Variants in SLC12A4 observed in about 807,000 individuals in gnomAD.
The protein encoded by SLC12A4 is electroneutral potassium-chloride cotransporter 1.
SLC12A4 carries 84 observed loss-of-function variants against 119.2 expected under a neutral mutation model. That is an observed-to-expected ratio of 0.70 (90% confidence interval 0.59 to 0.85). The LOEUF is 0.85. Ranked by LOEUF, SLC12A4 falls within the 40% of genes least tolerant of loss-of-function variation. SLC12A4 has a pLI of 0.00. For missense variants in SLC12A4, 1,298 were observed against 1,476.3 expected, an observed-to-expected ratio of 0.88 and a Z score of 1.98; for synonymous variants, 599 against 604.6, an observed-to-expected ratio of 0.99 and a Z score of 0.14.
At position 67,961,604 on chromosome 16, in the gene SLC12A4, C is replaced by G; in HGVS notation, c.313G>C (p.Gly105Arg). The change falls in exon 3 of 24, where the codon GGG becomes CGG. Residue 105 changes from glycine (G) to arginine (R), a missense_variant. Coordinates refer to ENST00000316341, the MANE Select transcript of SLC12A4 (RefSeq NM_005072.5). Reference sequence around the variant, plus strand: ...GCTGCCCTCCGGCGGGTGCCCTCCCCACTCTCGGCCTCCTCATGCTCTTTG... The same window carrying G: ...GCTGCCCTCCGGCGGGTGCCCTCCCGACTCTCGGCCTCCTCATGCTCTTTG... ...GAKEHEEAES[G>R]EGTRRRAAEA... 6.2e-7 allele frequency: 1 copy of G among 1,613,964 alleles called. No homozygotes were observed. The highest frequency in any genetic ancestry group is 1.1e-5 in the South Asian group (1 of 91,088).
In SLC12A4 at chr16:67,950,405, T is replaced by C. The variant is rs2058400912; in HGVS notation, c.1543A>G (p.Thr515Ala). Residue 515 changes from threonine to alanine, a missense_variant, in exon 12 of 24, where the codon ACG becomes GCG. By Grantham distance (58) the Thr-to-Ala change is moderately conservative. Coordinates refer to ENST00000316341, the MANE Select transcript of SLC12A4 (RefSeq NM_005072.5). This position sits in a 1 kb window ranked among gnomAD's most constrained non-coding sequence, Gnocchi z 4.3. ...WVIVIGSFFS[T>A]CGAGLQSLTG... ...AGGCTCTGGAGGCCAGCGCCACACG[T>C]TGAAAAGAAGGAGCCGATGACGATG... The C allele has an allele frequency of 6.2e-7, 1 of 1,613,752 alleles. No homozygotes were observed. The highest frequency in any genetic ancestry group is 8.5e-7 in the Non-Finnish European group (1 of 1,179,964).
At position 67,947,368 on chromosome 16, in the gene SLC12A4, G is replaced by A. The variant is rs762824072; in HGVS notation, c.2035C>T (p.Arg679Trp). Residue 679 changes from arginine to tryptophan, a missense_variant, in exon 16 of 24, where the codon CGG (arginine) becomes TGG (tryptophan). Physicochemically the swap from Arg to Trp is moderately radical, Grantham distance 101 (BLOSUM62 -3). Coordinates refer to ENST00000316341, the MANE Select transcript of SLC12A4 (RefSeq NM_005072.5). ...SLSAARYALL[R>W]LEEGPPHTKN... ...GTGTGAGGAGGCCCCTCCTCCAGCC[G>A]CAACAGCGCGTAGCGGGCAGCGCTC... 22 of 1,612,662 alleles carry A rather than the reference G, an allele frequency of 1.4e-5. No homozygotes were observed. Among genetic ancestry groups the A allele is most frequent in the Non-Finnish European group, 1.6e-5 (19 of 1,179,790 alleles).
chr16:67,968,663 GC>G, upstream of SLC12A4: 1 of 1,284,098 alleles, frequency 7.8e-7, no homozygotes, highest in Non-Finnish European at 9.8e-7. Context: ...ATTCCTCCCC[GC>G]TGCGCTCACT....
chr16:67,965,029 G>T (rs1457016179), intron 1 of SLC12A4, among the ~76,000 whole-genome samples: 1 of 152,224 alleles, frequency 6.6e-6, no homozygotes, highest in Non-Finnish European at 1.5e-5. Context: ...ACCTGGACTA[G>T]CTAAGTGAGC....
rs1314998481 is a variant in SLC12A4 at position 67,950,200 on chromosome 16, C to T, written c.1629+119G>A. 1.4e-5 allele frequency: 18 copies of T among 1,244,286 alleles called. No homozygotes were observed. Among genetic ancestry groups the T allele is most frequent in the African/African-American group, 3.0e-5 (2 of 66,548 alleles). The allele number at this position is 1,244,286 out of a possible 1,614,324, so 77.1% of individuals were successfully genotyped here. A position where few individuals can be genotyped will look rare whatever the true frequency, so the allele number is the denominator to read the frequency against. On this transcript the variant is annotated intron_variant, in intron 12 of 23. Transcript: ENST00000316341. This position sits in a 1 kb window ranked among gnomAD's most constrained non-coding sequence, Gnocchi z 4.3. ...TTCTCAGTAGCTCCTCATGGATGGC[C>T]GCCTGGCCCCGGGGGCCAATAAGGG...
chr16:67,966,957 A>T, intron 1 of SLC12A4: 2 of 1,351,104 alleles, frequency 1.5e-6, no homozygotes, highest in Non-Finnish European at 2.0e-6. Flanking sequence ...AGCTAGGCTC[A>T]GCTCTGCCTG....
intron 1 of SLC12A4, chr16:67,963,785 A>G: frequency 8.6e-7 from 1 of 1,166,168 alleles, no homozygotes; most frequent in South Asian, 1.6e-5. Context: ...CCTCCAGTGA[A>G]GGGAATCCAG....
chr16:67,957,638 C>T (rs1201592099), intron 5 of SLC12A4, 104 bp downstream of exon 5: 3 of 1,357,076 alleles, frequency 2.2e-6, no homozygotes, highest in Non-Finnish European at 3.1e-6. Context: ...GAGCCCACTA[C>T]AGAACTGCTT....
chr16:67,950,100 A>G lies in SLC12A4; in HGVS notation c.1630-182T>C. 1.5e-6 allele frequency: 1 copy of G among 683,220 alleles called. No homozygotes were observed. Among genetic ancestry groups the G allele is most frequent in the Non-Finnish European group, 2.5e-6 (1 of 405,428 alleles). The allele number at this position is 683,220 out of a possible 1,614,324, so 42.3% of individuals were successfully genotyped here. ...ACCTCACCAGGCCTCTCTCCTTTGG[A>G]TGAGCCCTAAACAGGCCATGAAGAT... On this transcript the variant is annotated intron_variant, in intron 12 of 23. Coordinates refer to ENST00000316341, the MANE Select transcript of SLC12A4 (RefSeq NM_005072.5). This position sits in a 1 kb window ranked among gnomAD's most constrained non-coding sequence, Gnocchi z 4.3.
At chr16:67,963,852 CA>C in intron 1 of SLC12A4, 2 of 1,524,456 alleles carry the variant, frequency 1.3e-6, no homozygotes, top group Non-Finnish European at 1.8e-6. Context: ...ACGGGGCCTG[CA>C]GAGGGGCGGG....
chr16:67,967,476 C>T (rs2030915862), intron 1 of SLC12A4, among the ~76,000 whole-genome samples: 1 of 152,220 alleles, frequency 6.6e-6, no homozygotes, highest in Non-Finnish European at 1.5e-5. Context: ...CAGCTACACA[C>T]TTGTACAAGC....
In SLC12A4 at chr16:67,947,771, C is replaced by A; in HGVS notation, c.1865G>T (p.Gly622Val). Residue 622 changes from glycine to valine, a missense_variant, in exon 15 of 24, where the codon GGC (glycine) becomes GTC (valine). Physicochemically the swap from Gly to Val is moderately radical, Grantham distance 109. Transcript: ENST00000316341. The part of the protein sequence containing the change: ...KYYHWALSFL[G>V]MSLCLALMFV... ...CATAAGGGCCAGGCAGAGACTCATG[C>A]CCAGGAAGGACAGCGCCCTGGACGA... is the stretch of plus-strand genomic sequence containing the variant. 1 of 1,598,314 alleles carries A rather than the reference C, an allele frequency of 6.3e-7. No homozygotes were observed. The highest frequency in any genetic ancestry group is 8.5e-7 in the Non-Finnish European group (1 of 1,172,760).
chr16:67,954,603 T>C (rs1177137829), intron 6 of SLC12A4, 40 bp downstream of exon 6: 1 of 1,612,964 alleles, frequency 6.2e-7, no homozygotes, highest in Non-Finnish European at 8.5e-7. Flanking sequence ...AGGGACTGTT[T>C]GGACATGGCC....
chr16:67,951,471 A>T lies in SLC12A4; in HGVS notation c.1133-167T>A, dbSNP rs1040637483. On this transcript the variant is annotated intron_variant, in intron 8 of 23. Coordinates refer to ENST00000316341, the MANE Select transcript of SLC12A4 (RefSeq NM_005072.5). This position sits in a 1 kb window ranked among gnomAD's most constrained non-coding sequence, Gnocchi z 5.2. ...AGGGCTACCCTGACCACAGAGAAGG[A>T]GCTGCCCAGCTAGAAGTCGACAGAC... 51 of 745,154 alleles carry T rather than the reference A, an allele frequency of 6.8e-5. No individual in the cohort carries two copies. Among genetic ancestry groups the T allele is most frequent in the Non-Finnish European group, 9.2e-5 (43 of 469,618 alleles). The allele number at this position is 745,154 out of a possible 1,614,324, so 46.2% of individuals were successfully genotyped here.
chr16:67,958,544 C>T (rs1410896483), intron 3 of SLC12A4, among the ~76,000 whole-genome samples: 3 of 152,146 alleles, frequency 2.0e-5, no homozygotes, highest in Admixed American at 6.6e-5. Context: ...TGGGTGGTAC[C>T]CTCCTGAGCC....
At position 67,946,227 on chromosome 16, in the gene SLC12A4, T is replaced by C; in HGVS notation, c.2551A>G (p.Ile851Val). 1 of 1,613,902 alleles carries C rather than the reference T, an allele frequency of 6.2e-7. No homozygotes were observed. The highest frequency in any genetic ancestry group is 1.7e-5 in the Admixed American group (1 of 60,018). The stretch of plus-strand genomic sequence containing the variant: ...ATGAGCATGCCACCATCGTGCACGA[T>C]CCACCACACGTCTATGTGGCCCTCC... ...YLEGHIDVWW[I>V]VHDGGMLMLL... The change falls in exon 19 of 24, where the codon ATC becomes GTC. Residue 851 changes from isoleucine to valine, a missense_variant. By Grantham distance (29) the Ile-to-Val change is conservative (BLOSUM62 3). Transcript: ENST00000316341.
chr16:67,958,436 T>C (rs781224643), intron 3 of SLC12A4, among the ~76,000 whole-genome samples: 6 of 152,070 alleles, frequency 3.9e-5, no homozygotes, highest in Non-Finnish European at 7.4e-5. Context: ...CCCCCAACTC[T>C]AGTCCCGGTA....
In SLC12A4 at chr16:67,950,030, G is replaced by T; in HGVS notation, c.1630-112C>A. On this transcript the variant is annotated intron_variant, in intron 12 of 23. Transcript: ENST00000316341. The surrounding 1 kb of genome is among the most constrained non-coding windows in gnomAD (Gnocchi z 4.3). Reference sequence around the variant, plus strand: ...AGGGCCCGCCTTGGGGGCTCAGGCCGCCCCTGTGTCTATCCCTATGGGTGT... The same window carrying T: ...AGGGCCCGCCTTGGGGGCTCAGGCCTCCCCTGTGTCTATCCCTATGGGTGT... The T allele has an allele frequency of 1.2e-6, 1 of 841,348 alleles. No individual in the cohort carries two copies. The highest frequency in any genetic ancestry group is 1.9e-6 in the Non-Finnish European group (1 of 514,910). 52.1% of individuals were successfully genotyped at this position (841,348 alleles called of 1,614,324 possible).
At chr16:67,962,075 A>C (rs889966536) in intron 2 of SLC12A4, among the ~76,000 whole-genome samples, 1 of 151,990 alleles carries the variant, frequency 6.6e-6, no homozygotes, top group Non-Finnish European at 1.5e-5. Context: ...CTATGGCTGC[A>C]CCTCTAGGAC....
Sources: gnomAD v4.1 joint callset for allele counts (sites outside exome capture counted in the v4.1 genomes callset) on GRCh38, gnomAD v4.1.1 for gene constraint, Gnocchi (gnomAD v3.1) non-coding constraint, MANE v1.5 for transcripts, NCBI Gene and HGNC (gene_info 2026-07-23, HGNC 2026-07-21) for gene names.